Variants in FAP observed in about 807,000 individuals in gnomAD.
FAP encodes fibroblast activation protein alpha.
In FAP, 110 loss-of-function variants were observed where a neutral mutation model predicts 126.5. That is an observed-to-expected ratio of 0.87 (90% CI 0.74 to 1.02). The LOEUF (loss-of-function observed/expected upper bound fraction) is 1.02. Among genes scored for constraint, FAP ranks in the 50% least tolerant of loss-of-function variants. FAP has a pLI of 0.00. For synonymous variants in FAP, 334 were observed against 297.3 expected (o/e 1.12, Z -1.27); for missense variants, 919 against 909.2 (o/e 1.01, Z -0.14).
intron 20 of FAP, among the ~76,000 whole-genome samples, chr2:162,186,308 G>C (rs1687865698): frequency 6.6e-6 from 1 of 152,216 alleles, no homozygotes; most frequent in Middle Eastern, 3.4e-3. Flanking sequence ...AAATGGCTCA[G>C]AGAAAGTAGA....
At chr2:162,232,669 A>G (rs886184029) in intron 2 of FAP, among the ~76,000 whole-genome samples, 7 of 152,358 alleles carry the variant, frequency 4.6e-5, no homozygotes, top group Admixed American at 2.0e-4. Context: ...CTCTATGAAC[A>G]ATACTGAATA....
intron 14 of FAP, among the ~76,000 whole-genome samples, 158 bp downstream of exon 14, chr2:162,202,714 C>T (rs541163169): frequency 6.6e-5 from 10 of 152,224 alleles, no homozygotes; most frequent in African/African-American, 2.4e-4. Flanking sequence ...ATCATTTTGA[C>T]TAGTTATTAA....
chr2:162,221,402 G>A (rs1302588749), intron 6 of FAP, among the ~76,000 whole-genome samples: 2 of 151,934 alleles, frequency 1.3e-5, no homozygotes, highest in African/African-American at 2.4e-5. Context: ...GCACAAGCCT[G>A]TAATCCTAGC....
intron 2 of FAP, among the ~76,000 whole-genome samples, chr2:162,239,138 T>C (rs1003681083): frequency 2.6e-5 from 4 of 152,192 alleles, no homozygotes; most frequent in Admixed American, 6.5e-5. Context: ...CCAAACACTT[T>C]TCTGATATTC....
chr2:162,242,962 T>C lies in FAP; in HGVS notation c.37A>G (p.Thr13Ala), dbSNP rs746401576. ...ACCAATAAGGCAAGCACAGCAGAGG[T>C]GGCAACTCCAAATACGATTTTTACC... ...TWVKIVFGVATSAVLALLVMC... is the reference protein window; with the variant it reads ...TWVKIVFGVAASAVLALLVMC... Residue 13 changes from threonine to alanine, a missense_variant, in exon 2 of 26, where the codon ACC becomes GCC. Transcript: ENST00000188790. 1 of 1,613,048 alleles carries C rather than the reference T, an allele frequency of 6.2e-7. No homozygotes were observed. The highest frequency in any genetic ancestry group is 1.1e-5 in the South Asian group (1 of 90,980).
At chr2:162,221,625 C>T (rs1689402928) in intron 6 of FAP, 1 of 455,786 alleles carries the variant, frequency 2.2e-6, no homozygotes, top group African/African-American at 2.0e-5. Context: ...CAGTTTTCTA[C>T]ATACAGTGGA....
At chr2:162,189,293 A>G in intron 18 of FAP, 121 bp from the exon 19 acceptor site, 1 of 532,752 alleles carries the variant, frequency 1.9e-6, no homozygotes. Context: ...TTAAGAATTT[A>G]GGATATATTT....
At chr2:162,175,105 C>A in intron 21 of FAP, 139 bp from the exon 22 acceptor site, 2 of 579,218 alleles carry the variant, frequency 3.5e-6, no homozygotes, top group Non-Finnish European at 6.2e-6. Flanking sequence ...GTCTATCTTG[C>A]ATCCTCGGCA....
At position 162,173,214 on chromosome 2, in the gene FAP, G is replaced by A. The variant is rs751311373; in HGVS notation, c.2042C>T (p.Thr681Ile). The A allele has an allele frequency of 6.2e-7, 1 of 1,612,484 alleles. No homozygotes were observed. The highest frequency in any genetic ancestry group is 8.5e-7 in the Non-Finnish European group (1 of 1,178,748). ...DDNLEHYKNS[T>I]VMARAEYFRN... ...GAAATATTCTGCTCTTGCCATCACA[G>A]TTGAATTCTGGAAAAGAGAAAAAAA... The change falls in exon 24 of 26, where the codon ACT becomes ATT. Residue 681 changes from threonine (T) to isoleucine (I), a missense_variant. By Grantham distance (89) the Thr-to-Ile change is moderately conservative. Coordinates refer to ENST00000188790, the MANE Select transcript of FAP (RefSeq NM_004460.5).
At chr2:162,217,931 A>G (rs1242033940) in intron 9 of FAP, 55 bp downstream of exon 9, 9 of 1,403,520 alleles carry the variant, frequency 6.4e-6, no homozygotes, top group Non-Finnish European at 7.8e-6. Flanking sequence ...ATGGTAAATC[A>G]TTGCTCATTT....
rs1689218439 is a variant in FAP, at chr2:162,217,983, T to C, written c.762+3A>G. 6.4e-7 allele frequency: 1 copy of C among 1,569,910 alleles called. No individual in the cohort carries two copies. Among genetic ancestry groups the C allele is most frequent in the Non-Finnish European group, 8.6e-7 (1 of 1,159,020 alleles). On this transcript the variant is annotated splice_donor_region_variant and intron_variant, in intron 9 of 25. Coordinates refer to ENST00000188790, the MANE Select transcript of FAP (RefSeq NM_004460.5). Reference sequence around the variant, plus strand: ...AAAGCATCGCTGAAAGTATTCAACATACCTTTGGGTATGGAATATTTATTG... The same window carrying C: ...AAAGCATCGCTGAAAGTATTCAACACACCTTTGGGTATGGAATATTTATTG...
chr2:162,204,056 G>A (rs1363294488), intron 12 of FAP, among the ~76,000 whole-genome samples: 2 of 152,108 alleles, frequency 1.3e-5, no homozygotes, highest in Non-Finnish European at 2.9e-5. Flanking sequence ...ACATCATGCA[G>A]AGCAGATTTA....
chr2:162,171,849 T>C (rs908581734), intron 25 of FAP: 2 of 152,094 alleles, frequency 1.3e-5, no homozygotes, highest in Admixed American at 6.6e-5. Context: ...CTGAATACAA[T>C]GTGTAATGAT....
chr2:162,176,054 T>C (rs144653333), intron 21 of FAP: 1 of 152,244 alleles, frequency 6.6e-6, no homozygotes, highest in Non-Finnish European at 1.5e-5. Context: ...TTTAGGACCT[T>C]ATGACCACAG....
chr2:162,184,013 A>G (rs892450204), intron 20 of FAP, among the ~76,000 whole-genome samples: 2 of 152,170 alleles, frequency 1.3e-5, no homozygotes, highest in Admixed American at 6.5e-5. Context: ...ATTCCTTTTT[A>G]GCTCCATCAC....
chr2:162,215,733 A>G (rs989147635), intron 10 of FAP, among the ~76,000 whole-genome samples, 165 bp downstream of exon 10: 4 of 152,220 alleles, frequency 2.6e-5, no homozygotes, highest in Admixed American at 1.3e-4. Context: ...AAAAGGGCTA[A>G]TTTTGAAAAA....
At chr2:162,233,112 C>T (rs879255901) in intron 2 of FAP, among the ~76,000 whole-genome samples, 7 of 152,072 alleles carry the variant, frequency 4.6e-5, no homozygotes, top group South Asian at 2.1e-4. Context: ...GAACTCCAGA[C>T]ACGTACATTA....
chr2:162,207,203 A>G (rs571782178), intron 12 of FAP, among the ~76,000 whole-genome samples: 1 of 152,338 alleles, frequency 6.6e-6, no homozygotes, highest in Non-Finnish European at 1.5e-5. Flanking sequence ...TTATGGCTAT[A>G]TAAAATTGTG....
At chr2:162,201,848 C>G (rs1032114107) in intron 14 of FAP, among the ~76,000 whole-genome samples, 2 of 152,180 alleles carry the variant, frequency 1.3e-5, no homozygotes, top group Non-Finnish European at 2.9e-5. Context: ...ATGACCAGAG[C>G]TAGGGACCTC....
Sources: allele counts gnomAD v4.1 joint callset (sites outside exome capture counted in the v4.1 genomes callset), GRCh38; gene constraint gnomAD v4.1.1; transcripts MANE v1.5; gene names NCBI Gene and HGNC (gene_info 2026-07-23, HGNC 2026-07-21).